Variants in UNKL observed in about 807,000 individuals in gnomAD.
UNKL encodes putative E3 ubiquitin-protein ligase UNKL.
A neutral mutation model predicts 78.0 loss-of-function variants in UNKL; 60 were observed. That is an observed-to-expected ratio of 0.77 (90% CI 0.63 to 0.95). The LOEUF (loss-of-function observed/expected upper bound fraction) is 0.95. Among genes scored for constraint, UNKL ranks in the 40% least tolerant of loss-of-function variants. The pLI, the probability that UNKL is intolerant of heterozygous loss-of-function variation, is 0.00. For synonymous variants in UNKL, 608 were observed against 474.8 expected, an observed-to-expected ratio of 1.28 and a Z score of -3.65; for missense variants, 1,159 against 1,045.7, an observed-to-expected ratio of 1.11 and a Z score of -1.49.
At chr16:1,396,932 C>T (rs187044092) in intron 6 of UNKL, 112 of 529,478 alleles carry the variant, frequency 2.1e-4, no homozygotes, top group African/African-American at 1.8e-3. Context: ...TTTTTTCCCA[C>T]ATGACTCTTT....
chr16:1,380,456 A>G (rs1005208137), intron 10 of UNKL, among the ~76,000 whole-genome samples: 2 of 152,188 alleles, frequency 1.3e-5, no homozygotes, highest in African/African-American at 4.8e-5. Flanking sequence ...GTCAGCGGGC[A>G]GGACACTGCC....
intron 2 of UNKL, among the ~76,000 whole-genome samples, chr16:1,408,067 G>A (rs965696374): frequency 3.3e-5 from 5 of 151,052 alleles, no homozygotes; most frequent in African/African-American, 7.3e-5. Flanking sequence ...ATCGAGCCAC[G>A]GCACTCCAGC....
intron 6 of UNKL, among the ~76,000 whole-genome samples, chr16:1,395,157 G>A (rs955137279): frequency 6.7e-6 from 1 of 148,956 alleles, no homozygotes; most frequent in African/African-American, 2.5e-5. Context: ...ACCGTGCCCG[G>A]TCTGTTCATT....
chr16:1,371,793 GTGTGAGGCTTGGCTGTTCCTC>G (rs1284940472), intron 10 of UNKL, among the ~76,000 whole-genome samples, 182 bp from the exon 11 acceptor site: 1 of 152,198 alleles, frequency 6.6e-6, no homozygotes, highest in African/African-American at 2.4e-5. Context: ...CCCACAGGCA[GTGTGAGGCTTGGCTGTTCCTC>G]CGGCAAAACG....
At chr16:1,382,291 T>G (rs561267094) in intron 10 of UNKL, among the ~76,000 whole-genome samples, 7 of 152,312 alleles carry the variant, frequency 4.6e-5, no homozygotes, top group African/African-American at 1.7e-4. Flanking sequence ...CGAGAGAAGA[T>G]GACTTCCAAA....
intron 11 of UNKL, among the ~76,000 whole-genome samples, chr16:1,370,669 G>A (rs995582860): frequency 3.3e-5 from 5 of 152,350 alleles, no homozygotes; most frequent in East Asian, 1.9e-4. Flanking sequence ...GGCCAACTAA[G>A]CCATTGGCAC....
chr16:1,385,134 A>G, intron 10 of UNKL, 74 bp downstream of exon 10: 1 of 1,102,344 alleles, frequency 9.1e-7, no homozygotes, highest in African/African-American at 1.6e-5. Context: ...CTGAAATAGA[A>G]GCGCTGTCCC....
chr16:1,376,708 C>G (rs1282781462), intron 10 of UNKL, among the ~76,000 whole-genome samples: 1 of 151,542 alleles, frequency 6.6e-6, no homozygotes, highest in Non-Finnish European at 1.5e-5. Context: ...ATTCCAAGAC[C>G]CCCCCATGGA....
rs534299391 is a variant in UNKL, at chr16:1,364,119, G to A, written c.*2121C>T. The A allele has an allele frequency of 1.3e-5, 2 of 152,332 alleles. No homozygotes were observed. The highest frequency in any genetic ancestry group is 1.9e-4 in the East Asian group (1 of 5,182). 9.4% of individuals were successfully genotyped at this position (152,332 alleles called of 1,614,324 possible). ...AAACAGAGTTTACACATCGATGACA[G>A]TAGCACAAAATATACGTAATTTCTA... is the stretch of plus-strand genomic sequence containing the variant. On this transcript the variant is annotated 3_prime_UTR_variant, in exon 15 of 15. Transcript: ENST00000389221.
chr16:1,406,393 A>G (rs1303989062), intron 2 of UNKL, among the ~76,000 whole-genome samples: 1 of 152,012 alleles, frequency 6.6e-6, no homozygotes, highest in African/African-American at 2.4e-5. Context: ...TTGTATATTT[A>G]GTAGAGACAG....
chr16:1,414,454 C>T (rs1419290161), intron 1 of UNKL, among the ~76,000 whole-genome samples, 161 bp downstream of exon 1: 2 of 151,708 alleles, frequency 1.3e-5, no homozygotes, highest in Non-Finnish European at 2.9e-5. Flanking sequence ...GCTCCGACCT[C>T]AGGCGGAGGC....
chr16:1,399,023 A>G lies in UNKL; in HGVS notation c.734+351T>C, dbSNP rs1246107665. ...GGTGAGGAGACAGCATGCAGCCCAC[A>G]GGCTGGAGAGCGTGGCTGCAACCAG... On this transcript the variant is annotated intron_variant, in intron 5 of 14. Coordinates refer to ENST00000389221, the MANE Select transcript of UNKL (RefSeq NM_001372107.1). This position sits in a 1 kb window ranked among gnomAD's most constrained non-coding sequence, Gnocchi z 5.8. 6.9e-7 allele frequency: 1 copy of G among 1,443,210 alleles called. No homozygotes were observed. Among genetic ancestry groups the G allele is most frequent in the Admixed American group, 2.6e-5 (1 of 38,592 alleles). 89.4% of individuals were successfully genotyped at this position (1,443,210 alleles called of 1,614,324 possible). A position where few individuals can be genotyped will look rare whatever the true frequency, so the allele number is the denominator to read the frequency against.
chr16:1,405,493 T>C (rs944230851), intron 2 of UNKL, among the ~76,000 whole-genome samples: 9 of 151,898 alleles, frequency 5.9e-5, no homozygotes, highest in Non-Finnish European at 1.0e-4. Flanking sequence ...AGGGAATTAC[T>C]TGAACCCGGG....
Position 1,403,211 on chromosome 16 carries a change from C to T in UNKL, c.421G>A (p.Ala141Thr). ...GGCCGCAGGTCCAGGGGGCCGTGCG[C>T]GAAGGCACAGTGCAGCCCATTCTTC... ...CVKNGLHCAF[A>T]HGPLDLRPPV... Residue 141 changes from alanine to threonine, a missense_variant, in exon 3 of 15, where the codon GCG becomes ACG. Transcript: ENST00000389221. The surrounding 1 kb of genome is among the most constrained non-coding windows in gnomAD (Gnocchi z 4.8). The T allele has an allele frequency of 1.9e-6, 3 of 1,613,888 alleles. No individual in the cohort carries two copies. The highest frequency in any genetic ancestry group is 1.1e-5 in the South Asian group (1 of 91,046).
chr16:1,372,201 T>G (rs965448754), intron 10 of UNKL, among the ~76,000 whole-genome samples: 1 of 151,780 alleles, frequency 6.6e-6, no homozygotes, highest in African/African-American at 2.4e-5. Context: ...GAGGCGGAGC[T>G]TGCAGTGAGC....
chr16:1,385,414 C>A, intron 9 of UNKL, 29 bp from the exon 10 acceptor site: 1 of 1,315,266 alleles, frequency 7.6e-7, no homozygotes, highest in Non-Finnish European at 9.7e-7. Context: ...ACCGTGAGCG[C>A]GCACCCCCTG....
At chr16:1,404,052 C>T (rs545161822) in intron 2 of UNKL, among the ~76,000 whole-genome samples, 4 of 152,282 alleles carry the variant, frequency 2.6e-5, no homozygotes, top group South Asian at 2.1e-4. Context: ...GCAGCAGCGA[C>T]GGAGACAAGG....
chr16:1,414,097 C>G (rs1272862499), intron 1 of UNKL, 42 bp from the exon 2 acceptor site: 2 of 1,508,486 alleles, frequency 1.3e-6, no homozygotes, highest in African/African-American at 2.8e-5. Context: ...CCGGCAGCAC[C>G]TCCAGGGACT....
intron 11 of UNKL, among the ~76,000 whole-genome samples, 198 bp from the exon 12 acceptor site, chr16:1,370,555 A>G (rs10903007): frequency 0.93 from 141,025 of 152,114 alleles, 65,475 homozygotes; most frequent in East Asian, 1. Context: ...TGTCCAACAC[A>G]GCTGGGCAAG....
Sources: gnomAD v4.1 joint callset for allele counts (sites outside exome capture counted in the v4.1 genomes callset) on GRCh38, gnomAD v4.1.1 for gene constraint, Gnocchi (gnomAD v3.1) non-coding constraint, MANE v1.5 for transcripts, NCBI Gene and HGNC (gene_info 2026-07-23, HGNC 2026-07-21) for gene names.